Variants in RALA observed in about 807,000 individuals in gnomAD.
RALA encodes the protein ras-related protein Ral-A.
In RALA, 5 loss-of-function variants were observed where a neutral mutation model predicts 24.0. That is an observed-to-expected ratio of 0.21 (90% CI 0.11 to 0.44). The LOEUF is 0.44. Ranked by LOEUF, RALA falls within the 20% of genes least tolerant of loss-of-function variation. RALA has a pLI of 0.99. For synonymous variants in RALA, 77 were observed against 83.8 expected, an observed-to-expected ratio of 0.92 and a Z score of 0.44; for missense variants, 95 against 241.2, an observed-to-expected ratio of 0.39 and a Z score of 4.01.
intron 1 of RALA, among the ~76,000 whole-genome samples, chr7:39,640,454 A>G (rs1007436215): frequency 2.0e-5 from 3 of 152,192 alleles, no homozygotes; most frequent in Admixed American, 1.3e-4. Flanking sequence ...TGTTTAGTCA[A>G]ATCTTTTTCC....
chr7:39,632,817 A>C (rs1037717230), intron 1 of RALA, among the ~76,000 whole-genome samples: 1 of 152,188 alleles, frequency 6.6e-6, no homozygotes, highest in Non-Finnish European at 1.5e-5. Flanking sequence ...CCCCATCTCA[A>C]TTTTTAAAAA....
intron 1 of RALA, among the ~76,000 whole-genome samples, chr7:39,677,406 A>G (rs374279607): frequency 1.5e-5 from 2 of 136,000 alleles, no homozygotes; most frequent in South Asian, 2.7e-4. Flanking sequence ...ATGGCTGCAT[A>G]GTATTCCATG....
At chr7:39,671,887 T>C (rs567983838) in intron 1 of RALA, among the ~76,000 whole-genome samples, 1 of 152,212 alleles carries the variant, frequency 6.6e-6, no homozygotes, top group Non-Finnish European at 1.5e-5. Flanking sequence ...TGAATGTTGT[T>C]CCTACCGAGC....
At chr7:39,691,478 A>C (rs1792816445) in intron 3 of RALA, among the ~76,000 whole-genome samples, 1 of 149,888 alleles carries the variant, frequency 6.7e-6, no homozygotes, top group African/African-American at 2.5e-5. Flanking sequence ...GAACATGGGC[A>C]GTGGTTAGTG....
chr7:39,675,000 A>G (rs1792454906), intron 1 of RALA, among the ~76,000 whole-genome samples: 2 of 151,658 alleles, frequency 1.3e-5, no homozygotes. Flanking sequence ...ATTTTGTTGT[A>G]TTTTCAGTGG....
chr7:39,699,118 G>GTT lies in RALA; in HGVS notation c.498+2260_498+2261dup, dbSNP rs1209729467. ...ACCCAGCAATTTAAGTGCTAAAAAT[G>GTT]TTATTTTTTTTTTTTTTTTTTTTTT... is the stretch of plus-strand genomic sequence containing the variant. On this transcript the variant is annotated intron_variant, in intron 4 of 4. Coordinates refer to ENST00000005257, the MANE Select transcript of RALA (RefSeq NM_005402.4). 2.9e-3 allele frequency among the ~76,000 whole-genome samples: 247 copies of GTT among 84,012 alleles called. 3 individuals are homozygous for GTT. The highest frequency in any genetic ancestry group is 7.0e-3 in the Middle Eastern group (1 of 142). The allele number at this position is 84,012 out of a possible 152,430, so 55.1% of individuals were successfully genotyped here. A position where few individuals can be genotyped will look rare whatever the true frequency, so the allele number is the denominator to read the frequency against.
intron 1 of RALA, among the ~76,000 whole-genome samples, chr7:39,640,849 G>C (rs994740962): frequency 6.6e-6 from 1 of 152,200 alleles, no homozygotes; most frequent in Non-Finnish European, 1.5e-5. Context: ...TCTTTCAGTT[G>C]TAAGAGCCAG....
At chr7:39,642,566 T>A (rs549401461) in intron 1 of RALA, among the ~76,000 whole-genome samples, 1 of 152,278 alleles carries the variant, frequency 6.6e-6, no homozygotes, top group South Asian at 2.1e-4. Context: ...ATATTCTGAT[T>A]TCCTTCACAC....
intron 1 of RALA, among the ~76,000 whole-genome samples, chr7:39,642,145 A>G (rs1791829124): frequency 1.3e-5 from 2 of 152,228 alleles, no homozygotes; most frequent in Admixed American, 1.3e-4. Context: ...TTAACAATAG[A>G]AAAACAAGCA....
At chr7:39,686,037 C>CCA (rs1018483620) in intron 1 of RALA, among the ~76,000 whole-genome samples, 3 of 152,070 alleles carry the variant, frequency 2.0e-5, no homozygotes, top group African/African-American at 7.2e-5. Context: ...GAAACCCTGT[C>CCA]TCTACTAAAA....
intron 1 of RALA, among the ~76,000 whole-genome samples, chr7:39,660,795 A>G (rs939054514): frequency 6.6e-6 from 1 of 152,252 alleles, no homozygotes; most frequent in Non-Finnish European, 1.5e-5. Flanking sequence ...AGATAGGTAT[A>G]TCATGAATGC....
At chr7:39,684,316 T>A (rs1004000029) in intron 1 of RALA, among the ~76,000 whole-genome samples, 1 of 152,208 alleles carries the variant, frequency 6.6e-6, no homozygotes, top group Non-Finnish European at 1.5e-5. Flanking sequence ...AAAAAATGCA[T>A]TTATGTATAT....
At chr7:39,683,206 TCTGTTA>T (rs1379210135) in intron 1 of RALA, among the ~76,000 whole-genome samples, 1 of 152,202 alleles carries the variant, frequency 6.6e-6, no homozygotes, top group Non-Finnish European at 1.5e-5. Context: ...TCTCAGATAC[TCTGTTA>T]TAGCAACAGG....
chr7:39,637,690 A>G (rs1015437829), intron 1 of RALA, among the ~76,000 whole-genome samples: 6 of 152,250 alleles, frequency 3.9e-5, no homozygotes, highest in Admixed American at 3.3e-4. Context: ...ACATTTGGTT[A>G]GGTTTCAAAT....
chr7:39,703,799 C>T (rs1276091633), intron 4 of RALA, among the ~76,000 whole-genome samples: 1 of 152,148 alleles, frequency 6.6e-6, no homozygotes, highest in African/African-American at 2.4e-5. Context: ...TCCTAAATTA[C>T]ATTAACATAA....
intron 1 of RALA, among the ~76,000 whole-genome samples, chr7:39,628,000 C>T (rs74906720): frequency 0.062 from 9,410 of 151,954 alleles, 385 homozygotes; most frequent in Non-Finnish European, 0.087. Context: ...TTACCTAACC[C>T]TTTAGCCTTA....
chr7:39,704,453 G>T (rs1793082564), intron 4 of RALA, among the ~76,000 whole-genome samples: 1 of 151,208 alleles, frequency 6.6e-6, no homozygotes, highest in Non-Finnish European at 1.5e-5. Flanking sequence ...GAGTAGCTGG[G>T]ATTACAGGCA....
intron 1 of RALA, among the ~76,000 whole-genome samples, chr7:39,640,961 A>G (rs1203883985): frequency 6.6e-6 from 1 of 152,192 alleles, no homozygotes; most frequent in Non-Finnish European, 1.5e-5. Flanking sequence ...TCAGGAATAT[A>G]GTCACCTTTA....
At chr7:39,677,422 T>C (rs1255319836) in intron 1 of RALA, among the ~76,000 whole-genome samples, 12 of 131,380 alleles carry the variant, frequency 9.1e-5, no homozygotes, top group African/African-American at 3.5e-4. Context: ...CCATGGTGTA[T>C]ATGTGCCACA....
Sources: gnomAD v4.1 joint callset for allele counts (sites outside exome capture counted in the v4.1 genomes callset) on GRCh38, gnomAD v4.1.1 for gene constraint, MANE v1.5 for transcripts, NCBI Gene and HGNC (gene_info 2026-07-23, HGNC 2026-07-21) for gene names.